ZNF100: variants seen among roughly 807,000 people sequenced by gnomAD.
ZNF100 encodes the protein zinc finger protein 100, also known as zinc finger protein 100 (Y1).
In ZNF100, 12 loss-of-function variants were observed where a neutral mutation model predicts 15.8. That is an observed-to-expected ratio of 0.76 (90% CI 0.49 to 1.23). The LOEUF (loss-of-function observed/expected upper bound fraction) is 1.23. ZNF100 is among the 50% of genes most tolerant of loss of function. The pLI, the probability that ZNF100 is intolerant of heterozygous loss-of-function variation, is 0.00. For missense variants in ZNF100, 670 were observed against 635.6 expected, an observed-to-expected ratio of 1.05 and a Z score of -0.58; for synonymous variants, 226 against 214.8, an observed-to-expected ratio of 1.05 and a Z score of -0.45.
chr19:21,727,752 T>C lies in ZNF100; in HGVS notation c.560A>G (p.His187Arg), dbSNP rs767010824. 3 of 1,613,800 alleles carry C rather than the reference T, an allele frequency of 1.9e-6. No homozygotes were observed. The highest frequency in any genetic ancestry group is 2.5e-6 in the Non-Finnish European group (3 of 1,179,896). Residue 187 changes from histidine to arginine, a missense_variant, in exon 5 of 5, where the codon CAT becomes CGT. Physicochemically the swap from His to Arg is conservative, Grantham distance 29. Transcript: ENST00000358296. ...ATGTCTGTTTGAATTTGAAAATGTA[T>C]GAAAGACTTTTGCAGATGGATCACA... ...FQCDPSAKVF[H>R]TFSNSNRHKI...
chr19:21,765,748 T>G lies in ZNF100; in HGVS notation c.42A>C (p.Ala14=). 6.2e-7 allele frequency: 1 copy of G among 1,614,186 alleles called. No individual in the cohort carries two copies. Among genetic ancestry groups the G allele is most frequent in the East Asian group, 2.2e-5 (1 of 44,868 alleles). The change falls in exon 2 of 5, where the codon GCA becomes GCC. Residue 14 remains alanine (A), a synonymous_variant. Coordinates refer to ENST00000358296, the MANE Select transcript of ZNF100 (RefSeq NM_173531.4). ...TCCTCTCAGCCCCAGGGCATCCACT[T>G]GCTCCCTTGAGAGGACACATTCCAT... ...PRYGMCPLKG[A]SGCPGAERSL...
intron 2 of ZNF100, among the ~76,000 whole-genome samples, chr19:21,748,708 T>C (rs765471293): frequency 3.5e-4 from 53 of 152,090 alleles, no homozygotes; most frequent in Non-Finnish European, 6.6e-4. Context: ...GTTTTTTTGT[T>C]TTGTTTTGTT....
chr19:21,732,654 A>G (rs775341837), intron 4 of ZNF100, among the ~76,000 whole-genome samples: 25 of 149,938 alleles, frequency 1.7e-4, no homozygotes, highest in Non-Finnish European at 3.3e-4. Context: ...TGTAAAATAT[A>G]TAACACAAAA....
intron 2 of ZNF100, among the ~76,000 whole-genome samples, chr19:21,760,626 A>G (rs180977615): frequency 1.2e-3 from 177 of 152,242 alleles, no homozygotes; most frequent in Middle Eastern, 3.4e-3. Context: ...CATCCAGACA[A>G]TCATCTTGTG....
At chr19:21,764,190 A>G (rs1272305566) in intron 2 of ZNF100, among the ~76,000 whole-genome samples, 3 of 152,164 alleles carry the variant, frequency 2.0e-5, no homozygotes, top group Admixed American at 2.0e-4. Flanking sequence ...GCTCAATATT[A>G]GCCTTAGCTC....
intron 4 of ZNF100, among the ~76,000 whole-genome samples, chr19:21,733,237 AAAC>A (rs1568293479): frequency 6.6e-6 from 1 of 152,238 alleles, no homozygotes. Flanking sequence ...TAGATATAAA[AAAC>A]AAGATATAAA....
chr19:21,740,815 G>C (rs1198951900), intron 4 of ZNF100, among the ~76,000 whole-genome samples: 2 of 152,176 alleles, frequency 1.3e-5, no homozygotes, highest in Admixed American at 6.5e-5. Context: ...TCTGTTGATT[G>C]TTGGTAGAAA....
chr19:21,755,368 A>G (rs970523107), intron 2 of ZNF100, among the ~76,000 whole-genome samples: 1 of 152,184 alleles, frequency 6.6e-6, no homozygotes, highest in Non-Finnish European at 1.5e-5. Flanking sequence ...AGGGAAATGC[A>G]AATCAAAACC....
chr19:21,728,386 G>C (rs1599375603), intron 4 of ZNF100, among the ~76,000 whole-genome samples: 1 of 152,036 alleles, frequency 6.6e-6, no homozygotes, highest in African/African-American at 2.4e-5. Context: ...CCAGACACTG[G>C]TTTGTGTCTC....
intron 4 of ZNF100, among the ~76,000 whole-genome samples, chr19:21,742,741 G>A (rs2036140263): frequency 6.6e-6 from 1 of 151,842 alleles, no homozygotes; most frequent in Non-Finnish European, 1.5e-5. Flanking sequence ...ACACTACATT[G>A]AAATTTGTCT....
rs79087603 is a variant in ZNF100, at chr19:21,754,236, C to CAAA, written c.97-9172_97-9170dup. ...ATAAAAATATTACAATCTACCACCT[C>CAAA]AAAAAAAAAACAACAAAACATTGTT... On this transcript the variant is annotated intron_variant, in intron 2 of 4. Coordinates refer to ENST00000358296, the MANE Select transcript of ZNF100 (RefSeq NM_173531.4). Among the ~76,000 whole-genome samples, 678 of 146,112 alleles carry CAAA rather than the reference C, an allele frequency of 4.6e-3. 6 individuals are homozygous for CAAA. Among genetic ancestry groups the CAAA allele is most frequent in the African/African-American group, 0.016 (633 of 39,826 alleles).
chr19:21,745,375 A>T (rs1293331584), intron 2 of ZNF100, among the ~76,000 whole-genome samples: 2 of 152,226 alleles, frequency 1.3e-5, no homozygotes, highest in East Asian at 3.8e-4. Context: ...ATAAAGAATG[A>T]GTTGTGTATA....
chr19:21,736,987 G>A (rs780423539), intron 4 of ZNF100, among the ~76,000 whole-genome samples: 8 of 151,770 alleles, frequency 5.3e-5, no homozygotes, highest in Non-Finnish European at 8.8e-5. Flanking sequence ...AAAAGGAAAA[G>A]AGAACCAAGA....
chr19:21,742,010 T>C (rs1391692058), intron 4 of ZNF100, among the ~76,000 whole-genome samples: 1 of 152,036 alleles, frequency 6.6e-6, no homozygotes, highest in Non-Finnish European at 1.5e-5. Context: ...AAATTTAAGA[T>C]GGTAGGCTGG....
chr19:21,722,815 TAATA>T lies in ZNF100; in HGVS notation c.*3864_*3867del, dbSNP rs1239066098. The T allele has an allele frequency of 8.7e-5, 13 of 149,444 alleles. No homozygotes were observed. In the East Asian group the frequency reaches 2.4e-3, roughly 28 times the overall value. 9.3% of individuals were successfully genotyped at this position (149,444 alleles called of 1,614,324 possible). On this transcript the variant is annotated 3_prime_UTR_variant, in exon 5 of 5. Coordinates refer to ENST00000358296, the MANE Select transcript of ZNF100 (RefSeq NM_173531.4). ...TATATTTTAATAAAAGTATGTTACA[TAATA>T]AAAAATAAATTTAAAATTGTTCACT...
At chr19:21,756,685 T>C (rs1262446209) in intron 2 of ZNF100, among the ~76,000 whole-genome samples, 3 of 152,232 alleles carry the variant, frequency 2.0e-5, no homozygotes, top group Non-Finnish European at 1.5e-5. Context: ...ACTGACTTAA[T>C]GCTATTCCTA....
chr19:21,734,158 C>T (rs879620152), intron 4 of ZNF100, among the ~76,000 whole-genome samples: 2 of 152,178 alleles, frequency 1.3e-5, no homozygotes, highest in Non-Finnish European at 2.9e-5. Context: ...GTCTCTACTC[C>T]TCCAAATAAT....
Position 21,765,791 on chromosome 19 carries a change from G to A in ZNF100, c.4-5C>T, listed in dbSNP as rs760400372. 14 of 1,603,450 alleles carry A rather than the reference G, an allele frequency of 8.7e-6. No individual in the cohort carries two copies. The highest frequency in any genetic ancestry group is 8.3e-5 in the Admixed American group (5 of 59,882). On this transcript the variant is annotated splice_polypyrimidine_tract_variant and splice_region_variant and intron_variant, in intron 1 of 4. Transcript: ENST00000358296. ...CATTCCATACCTCGGGTCATCCTACGGGAGAAAATAAACCAGAAGCTGACA... is the reference window on the plus strand; with the variant it reads ...CATTCCATACCTCGGGTCATCCTACAGGAGAAAATAAACCAGAAGCTGACA...
chr19:21,734,543 G>C (rs928871535), intron 4 of ZNF100, among the ~76,000 whole-genome samples: 1 of 152,050 alleles, frequency 6.6e-6, no homozygotes, highest in Non-Finnish European at 1.5e-5. Flanking sequence ...AAATCTTCAA[G>C]AACTATTGGA....
Sources: allele counts gnomAD v4.1 joint callset (sites outside exome capture counted in the v4.1 genomes callset), GRCh38; gene constraint gnomAD v4.1.1; transcripts MANE v1.5; gene names NCBI Gene and HGNC (gene_info 2026-07-23, HGNC 2026-07-21).